Variants in SLIT3 observed in about 807,000 individuals in gnomAD.
The protein encoded by SLIT3 is slit homolog 3 protein.
A neutral mutation model predicts 184.0 loss-of-function variants in SLIT3; 68 were observed. That is an observed-to-expected ratio of 0.37 (90% confidence interval 0.30 to 0.45). The LOEUF (loss-of-function observed/expected upper bound fraction) is 0.45. Among genes scored for constraint, SLIT3 ranks in the 20% least tolerant of loss-of-function variants. The pLI, the probability that SLIT3 is intolerant of heterozygous loss-of-function variation, is 1.00. For missense variants in SLIT3, 1,707 were observed against 2,026.0 expected, an observed-to-expected ratio of 0.84 and a Z score of 3.02; for synonymous variants, 831 against 828.6, an observed-to-expected ratio of 1.00 and a Z score of -0.05.
rs975361593 is a variant in SLIT3, at chr5:168,663,945, C to G, written c.*2509G>C. The G allele has an allele frequency of 6.6e-6, 1 of 152,112 alleles. No homozygotes were observed. Among genetic ancestry groups the G allele is most frequent in the Admixed American group, 6.6e-5 (1 of 15,266 alleles). The allele number at this position is 152,112 out of a possible 1,614,324, so 9.4% of individuals were successfully genotyped here. A position where few individuals can be genotyped will look rare whatever the true frequency, so the allele number is the denominator to read the frequency against. On this transcript the variant is annotated 3_prime_UTR_variant, in exon 36 of 36. Transcript: ENST00000519560. ...GGATCCTCAAAGGCAGGATGTGTTT[C>G]TTTCCCATGAGAAGCAGGATGGTTT... is the stretch of plus-strand genomic sequence containing the variant.
chr5:169,180,743 C>A (rs1468640135), intron 4 of SLIT3, among the ~76,000 whole-genome samples: 1 of 152,194 alleles, frequency 6.6e-6, no homozygotes, highest in Non-Finnish European at 1.5e-5. Context: ...AATGATCTCC[C>A]ACCTTTCACT....
chr5:169,014,579 C>T (rs1320280700), intron 4 of SLIT3, among the ~76,000 whole-genome samples: 1 of 152,150 alleles, frequency 6.6e-6, no homozygotes, highest in African/African-American at 2.4e-5. Flanking sequence ...GAAAACAGTG[C>T]CTTTTGCACA....
rs574675871 is a variant in SLIT3, at chr5:169,055,847, G to C, written c.413+137632C>G. 2.0e-5 allele frequency among the ~76,000 whole-genome samples: 3 copies of C among 148,042 alleles called. No individual in the cohort carries two copies. In the East Asian group the frequency reaches 6.6e-4, roughly 32 times the overall value. On this transcript the variant is annotated intron_variant, in intron 4 of 35. Transcript: ENST00000519560. ...TCTGTCTCGGAGGAAAAAAAAAAAAGAAAAAAGAAAAAGAAGGAAGTTGGA... is the reference window on the plus strand; with the variant it reads ...TCTGTCTCGGAGGAAAAAAAAAAAACAAAAAAGAAAAAGAAGGAAGTTGGA...
At chr5:168,968,640 C>T (rs1224966096) in intron 4 of SLIT3, among the ~76,000 whole-genome samples, 1 of 152,222 alleles carries the variant, frequency 6.6e-6, no homozygotes. Context: ...CTGCCTCCCA[C>T]CTCACCTGTC....
intron 3 of SLIT3, among the ~76,000 whole-genome samples, chr5:169,215,795 C>T (rs1029214336): frequency 2.0e-5 from 3 of 152,140 alleles, no homozygotes; most frequent in African/African-American, 7.2e-5. Flanking sequence ...CAAGTGCTAA[C>T]CTTGTTTGAA....
At chr5:169,100,021 G>T (rs1374483384) in intron 4 of SLIT3, among the ~76,000 whole-genome samples, 2 of 152,172 alleles carry the variant, frequency 1.3e-5, no homozygotes, top group South Asian at 2.1e-4. Context: ...CTTTAGCTTG[G>T]AACGCCTTGT....
At chr5:168,708,649 T>C (rs1762450560) in intron 25 of SLIT3, 1 of 161,254 alleles carries the variant, frequency 6.2e-6, no homozygotes. Flanking sequence ...ACTGCTCAGG[T>C]ACATGTTACG....
Position 168,724,484 on chromosome 5 carries a change from C to A in SLIT3, c.2271G>T (p.Leu757=), listed in dbSNP as rs147616436. The part of the protein sequence containing the change: ...PRGMPKDVTE[L]YLEGNHLTAV... ...CTGTTAGGTGGTTTCCTTCCAGGTA[C>A]CTGAAAGAGGTGTGGAGAGACAACA... Residue 757 remains leucine, a splice_region_variant and synonymous_variant, in exon 21 of 36, where the codon CTG becomes CTT. Transcript: ENST00000519560. 2.5e-6 allele frequency: 4 copies of A among 1,612,408 alleles called. No individual in the cohort carries two copies. The African/African-American group carries it at 5.3e-5, about 22-fold the overall frequency.
At chr5:169,103,996 A>C (rs1016653075) in intron 4 of SLIT3, among the ~76,000 whole-genome samples, 2 of 152,216 alleles carry the variant, frequency 1.3e-5, no homozygotes, top group Non-Finnish European at 2.9e-5. Context: ...AGGGCTGGCT[A>C]CAACTTGTCA....
chr5:168,836,684 C>G (rs1758063858), intron 6 of SLIT3, among the ~76,000 whole-genome samples: 1 of 152,112 alleles, frequency 6.6e-6, no homozygotes, highest in African/African-American at 2.4e-5. Context: ...CTGGGGACAG[C>G]AAGACCACCA....
At chr5:168,907,936 T>TA (rs368132298) in intron 4 of SLIT3, among the ~76,000 whole-genome samples, 2 of 78,038 alleles carry the variant, frequency 2.6e-5, no homozygotes, top group Non-Finnish European at 5.9e-5. Context: ...TATATATATA[T>TA]TATACGTGTA....
rs76958482 is a variant in SLIT3, at chr5:169,174,445, A to G, written c.413+19034T>C. The stretch of plus-strand genomic sequence containing the variant: ...CTCCTTCTCAGAGTGAAGACAGAGC[A>G]TCTGATATGTATGATCAGCTTCCAA... On this transcript the variant is annotated intron_variant, in intron 4 of 35. Transcript: ENST00000519560. 6.2e-3 allele frequency among the ~76,000 whole-genome samples: 938 copies of G among 152,280 alleles called. 12 individuals carry two copies. Among genetic ancestry groups the G allele is most frequent in the Middle Eastern group, 0.041 (12 of 294 alleles).
intron 4 of SLIT3, among the ~76,000 whole-genome samples, chr5:169,031,241 C>CAAA (rs1757016369): frequency 6.6e-6 from 1 of 152,040 alleles, no homozygotes; most frequent in Non-Finnish European, 1.5e-5. Context: ...GGAAAGTTAC[C>CAAA]CCTCAGCCAT....
chr5:168,970,488 T>G (rs1425035721), intron 4 of SLIT3, among the ~76,000 whole-genome samples: 1 of 141,308 alleles, frequency 7.1e-6, no homozygotes, highest in Non-Finnish European at 1.5e-5. Flanking sequence ...AAAGTGAAAC[T>G]CTGTCTCAAA....
At chr5:168,734,958 A>G (rs1441447671) in intron 20 of SLIT3, among the ~76,000 whole-genome samples, 1 of 152,152 alleles carries the variant, frequency 6.6e-6, no homozygotes, top group African/African-American at 2.4e-5. Flanking sequence ...AAGACTCAGA[A>G]TCAAAGCTTT....
At chr5:169,291,498 C>A (rs1342834491) in intron 1 of SLIT3, among the ~76,000 whole-genome samples, 1 of 152,196 alleles carries the variant, frequency 6.6e-6, no homozygotes, top group East Asian at 1.9e-4. Context: ...AGCATCTAAT[C>A]ATGAATTTCT....
chr5:169,053,376 C>T (rs1239444498), intron 4 of SLIT3, among the ~76,000 whole-genome samples: 2 of 152,170 alleles, frequency 1.3e-5, no homozygotes, highest in Non-Finnish European at 2.9e-5. Context: ...AGGAAGCTAA[C>T]GTTCCCTCTT....
At chr5:169,142,898 A>G (rs1761793605) in intron 4 of SLIT3, among the ~76,000 whole-genome samples, 1 of 151,920 alleles carries the variant, frequency 6.6e-6, no homozygotes, top group African/African-American at 2.4e-5. Context: ...GAGCTGGAAG[A>G]GAATGTTTCT....
rs1300669483 is a variant in SLIT3, at chr5:168,663,285, GA to G, written c.*3168del. On this transcript the variant is annotated 3_prime_UTR_variant, in exon 36 of 36. Transcript: ENST00000519560. ...GCTCAGATCCACCTGCCTAGGGGGA[GA>G]GGGGGGATGGGGCAATGGAGGTGGG... is the stretch of plus-strand genomic sequence containing the variant. 1 of 151,864 alleles carries G rather than the reference GA, an allele frequency of 6.6e-6. No individual in the cohort carries two copies. The highest frequency in any genetic ancestry group is 2.4e-5 in the African/African-American group (1 of 41,252). The allele number at this position is 151,864 out of a possible 1,614,324, so 9.4% of individuals were successfully genotyped here.
Sources: gnomAD v4.1 joint callset for allele counts (sites outside exome capture counted in the v4.1 genomes callset) on GRCh38, gnomAD v4.1.1 for gene constraint, MANE v1.5 for transcripts, NCBI Gene and HGNC (gene_info 2026-07-23, HGNC 2026-07-21) for gene names.